The following CLHC1 variants were observed in gnomAD, a reference collection of about 807,000 sequenced individuals.
The protein encoded by CLHC1 is clathrin heavy chain linker domain-containing protein 1.
CLHC1 carries 72 observed loss-of-function variants against 69.5 expected under a neutral mutation model. That is an observed-to-expected ratio of 1.04 (90% confidence interval 0.86 to 1.26). CLHC1 has a LOEUF of 1.26. CLHC1 is among the 50% of genes most tolerant of loss of function. The pLI is 0.00. For missense variants in CLHC1, 790 were observed against 679.3 expected, an observed-to-expected ratio of 1.16 and a Z score of -1.81; for synonymous variants, 223 against 224.3, an observed-to-expected ratio of 0.99 and a Z score of 0.05.
At chr2:55,215,954 T>C (rs1673449656) in intron 4 of CLHC1, 1 of 151,974 alleles carries the variant, frequency 6.6e-6, no homozygotes, top group African/African-American at 2.4e-5. Context: ...AGGTCAAACT[T>C]TGCATAGTTT....
At chr2:55,214,938 A>G (rs537192483) in intron 4 of CLHC1, 1 of 152,342 alleles carries the variant, frequency 6.6e-6, no homozygotes, top group South Asian at 2.1e-4. Flanking sequence ...GCTGCTTTCT[A>G]TGCTAATTTT....
At chr2:55,191,191 C>A (rs1242111554) in intron 9 of CLHC1, among the ~76,000 whole-genome samples, 1 of 152,110 alleles carries the variant, frequency 6.6e-6, no homozygotes, top group Non-Finnish European at 1.5e-5. Context: ...CAGATCTGCA[C>A]TAAAAGATTA....
At chr2:55,196,833 C>G (rs1671468716) in intron 9 of CLHC1, among the ~76,000 whole-genome samples, 1 of 152,196 alleles carries the variant, frequency 6.6e-6, no homozygotes, top group South Asian at 2.1e-4. Context: ...GTAAAAAAGA[C>G]TTTGTCTTGC....
In CLHC1 at chr2:55,175,829, C is replaced by G; in HGVS notation, c.1722G>C (p.Glu574Asp). 1 of 1,613,982 alleles carries G rather than the reference C, an allele frequency of 6.2e-7. No individual in the cohort carries two copies. Among genetic ancestry groups the G allele is most frequent in the Non-Finnish European group, 8.5e-7 (1 of 1,179,968 alleles). ...SQAAVTEISE[E>D]DDAVNLMEHV... ...GTTCCATTAGGTTGACTGCGTCATC[C>G]TCTTCAGAAATTTCTGTAACTGCAG... Residue 574 changes from glutamate (E) to aspartate (D), a missense_variant, in exon 13 of 13, where the codon GAG becomes GAC. Physicochemically the swap from Glu to Asp is conservative, Grantham distance 45. Transcript: ENST00000401408.
intron 4 of CLHC1, among the ~76,000 whole-genome samples, chr2:55,213,113 TTA>T (rs1347643287): frequency 1.3e-5 from 2 of 152,248 alleles, no homozygotes; most frequent in African/African-American, 4.8e-5. Context: ...TGGTAAGTAA[TTA>T]TATTAGTTTC....
At chr2:55,205,883 A>C (rs1256168917) in intron 9 of CLHC1, among the ~76,000 whole-genome samples, 1 of 141,482 alleles carries the variant, frequency 7.1e-6, no homozygotes, top group Admixed American at 7.2e-5. Flanking sequence ...AACAAGAATG[A>C]AACTCTGTCT....
At chr2:55,185,400 T>G (rs769971155) in intron 9 of CLHC1, among the ~76,000 whole-genome samples, 2 of 152,202 alleles carry the variant, frequency 1.3e-5, no homozygotes, top group Admixed American at 1.3e-4. Flanking sequence ...CTGAGGCTTA[T>G]TCTCTGAAAA....
At chr2:55,195,560 C>A (rs530882198) in intron 9 of CLHC1, among the ~76,000 whole-genome samples, 5 of 151,994 alleles carry the variant, frequency 3.3e-5, no homozygotes, top group Non-Finnish European at 7.4e-5. Context: ...CCAGCACTTT[C>A]GGAGGCCAAG....
At chr2:55,224,652 G>A (rs1300969112) in intron 2 of CLHC1, 8 of 231,206 alleles carry the variant, frequency 3.5e-5, no homozygotes, top group African/African-American at 1.6e-4. Context: ...TGTCTGAGGC[G>A]CATGGAGGAG....
intron 5 of CLHC1, among the ~76,000 whole-genome samples, chr2:55,210,783 C>G (rs553874783): frequency 1.1e-4 from 17 of 152,276 alleles, no homozygotes; most frequent in African/African-American, 3.1e-4. Flanking sequence ...CTTCAGTCCT[C>G]TCTCTCACTC....
intron 5 of CLHC1, among the ~76,000 whole-genome samples, chr2:55,211,869 G>A (rs1673044493): frequency 6.6e-6 from 1 of 152,196 alleles, no homozygotes; most frequent in Non-Finnish European, 1.5e-5. Flanking sequence ...TGCTGAAGAT[G>A]TGGAAGCAGT....
intron 9 of CLHC1, among the ~76,000 whole-genome samples, chr2:55,198,599 A>T (rs1276476209): frequency 2.0e-5 from 3 of 151,636 alleles, no homozygotes; most frequent in Admixed American, 2.0e-4. Context: ...AATCCAAAAC[A>T]AAAAAAAGGG....
At chr2:55,213,071 A>G (rs543670557) in intron 4 of CLHC1, among the ~76,000 whole-genome samples, 1 of 152,356 alleles carries the variant, frequency 6.6e-6, no homozygotes, top group African/African-American at 2.4e-5. Flanking sequence ...TCTCTTTAGT[A>G]GAAAATTACT....
chr2:55,176,226 C>T (rs1372373324), intron 12 of CLHC1, among the ~76,000 whole-genome samples: 1 of 152,170 alleles, frequency 6.6e-6, no homozygotes, highest in Admixed American at 6.5e-5. Flanking sequence ...CAACCCTCTA[C>T]CACTTCTCAC....
chr2:55,211,483 C>T (rs1415831961), intron 5 of CLHC1, among the ~76,000 whole-genome samples: 2 of 120,596 alleles, frequency 1.7e-5, no homozygotes, highest in Non-Finnish European at 3.2e-5. Context: ...GCCTGGGTGA[C>T]AGAGCGAGAC....
At chr2:55,186,857 C>G (rs1047833750) in intron 9 of CLHC1, among the ~76,000 whole-genome samples, 8 of 152,002 alleles carry the variant, frequency 5.3e-5, no homozygotes, top group Non-Finnish European at 1.2e-4. Flanking sequence ...ATTTTTAAAA[C>G]AAGCAGATTT....
chr2:55,180,714 T>C lies in CLHC1; in HGVS notation c.1182-2A>G. 1 of 1,612,908 alleles carries C rather than the reference T, an allele frequency of 6.2e-7. No homozygotes were observed. The highest frequency in any genetic ancestry group is 2.2e-5 in the East Asian group (1 of 44,866). On this transcript the variant is annotated splice_acceptor_variant, in intron 10 of 12. Coordinates refer to ENST00000401408, the MANE Select transcript of CLHC1 (RefSeq NM_152385.4). LOFTEE classifies it high-confidence loss of function. Reference sequence around the variant, plus strand: ...CCAGCCTCCTCAGAAAATGTCAGTCTAGAACAAGCAGATCAATAAGACATA... The same window carrying C: ...CCAGCCTCCTCAGAAAATGTCAGTCCAGAACAAGCAGATCAATAAGACATA...
In CLHC1 at chr2:55,209,706, C is replaced by T; in HGVS notation, c.625G>A (p.Asp209Asn). The change falls in exon 6 of 13, where the codon GAT becomes AAT. Residue 209 changes from aspartate (D) to asparagine (N), a missense_variant. Physicochemically the swap from Asp to Asn is conservative, Grantham distance 23. Coordinates refer to ENST00000401408, the MANE Select transcript of CLHC1 (RefSeq NM_152385.4). ...AACACAATCATTTCTTCATCTAAATCAGCCTTCCTCTGAGCTGGCACATAT... is the reference window on the plus strand; with the variant it reads ...AACACAATCATTTCTTCATCTAAATTAGCCTTCCTCTGAGCTGGCACATAT... ...IKYVPAQRKA[D>N]LDEEMIVLLK... The T allele has an allele frequency of 6.2e-7, 1 of 1,614,006 alleles. No individual in the cohort carries two copies. The highest frequency in any genetic ancestry group is 8.5e-7 in the Non-Finnish European group (1 of 1,179,936).
intron 9 of CLHC1, among the ~76,000 whole-genome samples, chr2:55,201,296 G>C (rs952314661): frequency 1.3e-5 from 2 of 151,220 alleles, no homozygotes; most frequent in African/African-American, 4.9e-5. Flanking sequence ...AAAAAAGAGA[G>C]AAGACCTGAG....
Sources: allele counts gnomAD v4.1 joint callset (sites outside exome capture counted in the v4.1 genomes callset), GRCh38; gene constraint gnomAD v4.1.1; transcripts MANE v1.5; gene names NCBI Gene and HGNC (gene_info 2026-07-23, HGNC 2026-07-21).